The following MTBP variants were observed in gnomAD, a reference collection of about 807,000 sequenced individuals.
MTBP encodes the protein mdm2-binding protein.
In MTBP, 101 loss-of-function variants were observed where a neutral mutation model predicts 117.0. The observed-to-expected ratio is 0.86, with a 90% CI of 0.73 to 1.02. The LOEUF (loss-of-function observed/expected upper bound fraction) is 1.02. MTBP is among the 50% of genes least tolerant of loss of function. The pLI is 0.00. For missense variants in MTBP, 970 were observed against 1,030.9 expected (o/e 0.94, Z 0.81); for synonymous variants, 350 against 351.5 (o/e 1.00, Z 0.05).
At chr8:120,522,769 T>G (rs567136026) in intron 21 of MTBP, 50 bp downstream of exon 21, 2 of 1,429,494 alleles carry the variant, frequency 1.4e-6, no homozygotes, top group Admixed American at 3.8e-5. Flanking sequence ...TGGTATTTTA[T>G]TTCAGGGTTG....
chr8:120,502,627 AGTAAAGCATGTG>A lies in MTBP; in HGVS notation c.1727+19_1727+30del, dbSNP rs1277201800. 1.4e-6 allele frequency: 2 copies of A among 1,450,658 alleles called. No homozygotes were observed. Among genetic ancestry groups the A allele is most frequent in the East Asian group, 2.3e-5 (1 of 43,810 alleles). The allele number at this position is 1,450,658 out of a possible 1,614,324, so 89.9% of individuals were successfully genotyped here. A position where few individuals can be genotyped will look rare whatever the true frequency, so the allele number is the denominator to read the frequency against. On this transcript the variant is annotated intron_variant, in intron 15 of 21. Coordinates refer to ENST00000305949, the MANE Select transcript of MTBP (RefSeq NM_022045.5). ...AAAATGAGGTAATATTTGAATCTGT[AGTAAAGCATGTG>A]ATAGCTCAGTAATTTGAATGAATTT...
chr8:120,457,881 G>A (rs58997861), intron 7 of MTBP, among the ~76,000 whole-genome samples: 2,852 of 151,436 alleles, frequency 0.019, 91 homozygotes, highest in African/African-American at 0.066. Flanking sequence ...GGGAGGCGGA[G>A]GTTTCAGTGA....
intron 4 of MTBP, among the ~76,000 whole-genome samples, chr8:120,453,376 G>A (rs148538210): frequency 1.3e-5 from 2 of 152,072 alleles, no homozygotes; most frequent in South Asian, 4.1e-4. Context: ...GAACCTGGGG[G>A]ATTGAGGCTG....
chr8:120,484,804 C>T (rs1159186569), intron 11 of MTBP, among the ~76,000 whole-genome samples: 1 of 152,124 alleles, frequency 6.6e-6, no homozygotes, highest in Non-Finnish European at 1.5e-5. Flanking sequence ...GCAATCATTG[C>T]GCATTTCCAC....
chr8:120,480,851 T>TTTATAAAGTAAAA (rs1814067928), intron 11 of MTBP, among the ~76,000 whole-genome samples: 1 of 152,174 alleles, frequency 6.6e-6, no homozygotes, highest in Non-Finnish European at 1.5e-5. Flanking sequence ...AAAGTAGAAT[T>TTTATAAAGTAAAA]CACCAAGGTT....
At chr8:120,469,171 A>G (rs1286898854) in intron 10 of MTBP, among the ~76,000 whole-genome samples, 1 of 151,894 alleles carries the variant, frequency 6.6e-6, no homozygotes, top group African/African-American at 2.4e-5. Context: ...TCAGCCTCCC[A>G]AGTATCTGGG....
chr8:120,508,851 A>G (rs181346184), intron 16 of MTBP, among the ~76,000 whole-genome samples: 1 of 152,264 alleles, frequency 6.6e-6, no homozygotes, highest in East Asian at 1.9e-4. Flanking sequence ...GATCCATTAC[A>G]TTACAACAGT....
At chr8:120,505,488 AT>A (rs1203710957) in intron 15 of MTBP, among the ~76,000 whole-genome samples, 2 of 152,144 alleles carry the variant, frequency 1.3e-5, no homozygotes, top group Non-Finnish European at 2.9e-5. Context: ...TTAGATTAAT[AT>A]TTTCAGTTTA....
At chr8:120,489,129 C>T (rs1384933385) in intron 12 of MTBP, among the ~76,000 whole-genome samples, 1 of 147,284 alleles carries the variant, frequency 6.8e-6, no homozygotes, top group East Asian at 2.1e-4. Context: ...ACCTCTGCCT[C>T]CCAGGTTCGA....
intron 2 of MTBP, among the ~76,000 whole-genome samples, chr8:120,446,991 T>C (rs1487507264): frequency 6.6e-6 from 1 of 152,240 alleles, no homozygotes; most frequent in African/African-American, 2.4e-5. Flanking sequence ...TTTTGAAGTA[T>C]TTCGCTTTTT....
chr8:120,457,806 C>A (rs950229044), intron 7 of MTBP, among the ~76,000 whole-genome samples: 1 of 151,818 alleles, frequency 6.6e-6, no homozygotes, highest in African/African-American at 2.4e-5. Context: ...TGCCTGTAGT[C>A]CCAGCTACTC....
At chr8:120,485,572 C>G (rs991479848) in intron 11 of MTBP, among the ~76,000 whole-genome samples, 1 of 152,024 alleles carries the variant, frequency 6.6e-6, no homozygotes, top group Non-Finnish European at 1.5e-5. Flanking sequence ...GTTCTTTAAA[C>G]GTATTTATAA....
Position 120,456,549 on chromosome 8 carries a change from A to G in MTBP, c.630-4A>G, listed in dbSNP as rs189854594. On this transcript the variant is annotated splice_polypyrimidine_tract_variant and splice_region_variant and intron_variant, in intron 6 of 21. Transcript: ENST00000305949. ...GTTTAATTGTTGTAATCTTTTTTTT[A>G]TAGAAACTGTCAGAAAATTGCAGAA... 9.9e-4 allele frequency: 1,399 copies of G among 1,416,772 alleles called. 13 individuals carry two copies. The African/African-American group carries it at 0.017, about 18-fold the overall frequency. 87.8% of individuals were successfully genotyped at this position (1,416,772 alleles called of 1,614,324 possible). A position where few individuals can be genotyped will look rare whatever the true frequency, so the allele number is the denominator to read the frequency against.
At chr8:120,519,261 G>A (rs1012014076) in intron 20 of MTBP, among the ~76,000 whole-genome samples, 1 of 151,592 alleles carries the variant, frequency 6.6e-6, no homozygotes, top group Non-Finnish European at 1.5e-5. Context: ...ATGTGCATAG[G>A]ATATATGCAA....
At chr8:120,491,090 A>AT (rs1814336716) in intron 13 of MTBP, among the ~76,000 whole-genome samples, 1 of 151,904 alleles carries the variant, frequency 6.6e-6, no homozygotes, top group South Asian at 2.1e-4. Context: ...ATAATTTCAC[A>AT]TTTTTTCTCT....
At chr8:120,458,369 G>A (rs957567217) in intron 7 of MTBP, among the ~76,000 whole-genome samples, 2 of 152,080 alleles carry the variant, frequency 1.3e-5, no homozygotes, top group Admixed American at 1.3e-4. Flanking sequence ...ATTTTTGTGA[G>A]AATTAAATTA....
chr8:120,484,252 A>C (rs900864368), intron 11 of MTBP, among the ~76,000 whole-genome samples: 2 of 152,150 alleles, frequency 1.3e-5, no homozygotes, highest in African/African-American at 4.8e-5. Flanking sequence ...TTTCTAATAA[A>C]ACTGGTAACA....
Position 120,487,352 on chromosome 8 carries a change from A to C in MTBP, c.1166-807A>C, listed in dbSNP as rs189036602. On this transcript the variant is annotated intron_variant, in intron 11 of 21. Transcript: ENST00000305949. ...CTGCTGTTTTTCTCAGCTCCTTAGC[A>C]GTGGAGAGATTGAAGTTTGTTACCA... Among the ~76,000 whole-genome samples the C allele has an allele frequency of 3.9e-3, 598 of 152,276 alleles. 4 individuals are homozygous for C. The highest frequency in any genetic ancestry group is 0.014 in the African/African-American group (572 of 41,560).
chr8:120,503,720 A>G (rs1262120482), intron 15 of MTBP, among the ~76,000 whole-genome samples: 1 of 152,146 alleles, frequency 6.6e-6, no homozygotes, highest in Non-Finnish European at 1.5e-5. Flanking sequence ...GAGCAGAGAG[A>G]CAGATGGCTC....
Sources: allele counts gnomAD v4.1 joint callset (sites outside exome capture counted in the v4.1 genomes callset), GRCh38; gene constraint gnomAD v4.1.1; transcripts MANE v1.5; gene names NCBI Gene and HGNC (gene_info 2026-07-23, HGNC 2026-07-21).